The following ROCK1 variants were observed in gnomAD, a reference collection of about 807,000 sequenced individuals.
ROCK1 encodes Rho associated coiled-coil containing protein kinase 1.
In ROCK1, 36 loss-of-function variants were observed where a neutral mutation model predicts 196.8. The observed-to-expected ratio is 0.18, with a 90% CI of 0.14 to 0.24. The LOEUF (loss-of-function observed/expected upper bound fraction) is 0.24, where lower values mean the gene tolerates loss of function less well. ROCK1 is among the 10% of genes least tolerant of loss of function. The pLI, the probability that ROCK1 is intolerant of heterozygous loss-of-function variation, is 1.00. For missense variants in ROCK1, 920 were observed against 1,562.0 expected, an observed-to-expected ratio of 0.59 and a Z score of 6.93; for synonymous variants, 443 against 515.9, an observed-to-expected ratio of 0.86 and a Z score of 1.91.
chr18:21,042,129 T>A lies in ROCK1; in HGVS notation c.927A>T (p.Ala309=). The change falls in exon 8 of 33, where the codon GCA becomes GCT. Residue 309 remains alanine (A), a synonymous_variant. Transcript: ENST00000399799. Reference sequence around the variant, plus strand: ...TAAGGAAGGCACAAATAAGGTTTTTTGCTTCTTTTGATATGTCATTATCAT... The same window carrying A: ...TAAGGAAGGCACAAATAAGGTTTTTAGCTTCTTTTGATATGTCATTATCAT... ...FPDDNDISKE[A]KNLICAFLTD... The A allele has an allele frequency of 6.2e-7, 1 of 1,602,684 alleles. No individual in the cohort carries two copies. Among genetic ancestry groups the A allele is most frequent in the Non-Finnish European group, 8.5e-7 (1 of 1,177,020 alleles).
intron 1 of ROCK1, among the ~76,000 whole-genome samples, chr18:21,099,615 C>T (rs2036641248): frequency 6.6e-6 from 1 of 152,156 alleles, no homozygotes; most frequent in African/African-American, 2.4e-5. Context: ...CATGGTAACA[C>T]GTGCCTATAG....
chr18:20,949,806 GACT>G lies in ROCK1; in HGVS notation c.*1575_*1577del, dbSNP rs2035166271. The stretch of plus-strand genomic sequence containing the variant: ...TCACAAACATTTATATACAATCAGA[GACT>G]AATTTGAAGTATGTTTTCCATTCAT... On this transcript the variant is annotated 3_prime_UTR_variant, in exon 33 of 33. Coordinates refer to ENST00000399799, the MANE Select transcript of ROCK1 (RefSeq NM_005406.3). 6.6e-6 allele frequency: 1 copy of G among 152,592 alleles called. No individual in the cohort carries two copies. The highest frequency in any genetic ancestry group is 1.5e-5 in the Non-Finnish European group (1 of 68,040). The allele number at this position is 152,592 out of a possible 1,614,324, so 9.5% of individuals were successfully genotyped here.
intron 1 of ROCK1, among the ~76,000 whole-genome samples, chr18:21,081,597 T>C (rs965932654): frequency 2.0e-5 from 3 of 152,094 alleles, no homozygotes; most frequent in African/African-American, 7.2e-5. Context: ...TCTGAAAAGA[T>C]AAAATTGGCA....
chr18:21,014,217 G>T (rs190443316), intron 13 of ROCK1, among the ~76,000 whole-genome samples: 62 of 152,222 alleles, frequency 4.1e-4, no homozygotes, highest in African/African-American at 1.4e-3. Context: ...AGCTTTGTCT[G>T]CAACTGTTGA....
intron 16 of ROCK1, among the ~76,000 whole-genome samples, chr18:20,998,786 T>C (rs1398572483): frequency 6.6e-6 from 1 of 151,806 alleles, no homozygotes; most frequent in Non-Finnish European, 1.5e-5. Context: ...GTATTTTTAG[T>C]ACAGATGGGG....
chr18:20,970,640 T>A (rs1334412886), intron 22 of ROCK1, 127 bp from the exon 23 acceptor site: 4 of 640,522 alleles, frequency 6.2e-6, no homozygotes, highest in Non-Finnish European at 1.0e-5. Flanking sequence ...TAAAATAAAT[T>A]TAAATCCATT....
chr18:20,994,294 G>A (rs538479827), intron 16 of ROCK1, among the ~76,000 whole-genome samples: 1 of 152,276 alleles, frequency 6.6e-6, no homozygotes, highest in Non-Finnish European at 1.5e-5. Flanking sequence ...TTTAAATGTT[G>A]AAGTGCTATT....
chr18:21,078,480 G>A (rs367921995), intron 1 of ROCK1, among the ~76,000 whole-genome samples: 4 of 151,910 alleles, frequency 2.6e-5, no homozygotes, highest in Non-Finnish European at 5.9e-5. Flanking sequence ...AAGGTTTTTC[G>A]CAGCTCTTGT....
intron 27 of ROCK1, among the ~76,000 whole-genome samples, chr18:20,961,576 A>C (rs1185030942): frequency 6.6e-6 from 1 of 152,070 alleles, no homozygotes; most frequent in African/African-American, 2.4e-5. Flanking sequence ...ATGGTTTCAA[A>C]CCCCGGCAGT....
intron 1 of ROCK1, among the ~76,000 whole-genome samples, chr18:21,100,271 G>C (rs907373894): frequency 3.3e-5 from 5 of 151,206 alleles, no homozygotes; most frequent in Non-Finnish European, 7.4e-5. Context: ...ACAAGGACAA[G>C]AAACAATTTC....
At chr18:21,101,310 AATGAACG>A (rs1568410656) in intron 1 of ROCK1, among the ~76,000 whole-genome samples, 1 of 152,228 alleles carries the variant, frequency 6.6e-6, no homozygotes, top group South Asian at 2.1e-4. Flanking sequence ...ATGAAAGGTT[AATGAACG>A]ATTCTTACAG....
intron 20 of ROCK1, among the ~76,000 whole-genome samples, chr18:20,983,811 A>G (rs2035554684): frequency 6.6e-6 from 1 of 152,194 alleles, no homozygotes; most frequent in Admixed American, 6.5e-5. Context: ...ATGATATGAT[A>G]AAATAAACGT....
chr18:20,967,060 C>T lies in ROCK1; in HGVS notation c.3209G>A (p.Cys1070Tyr). The change falls in exon 27 of 33, where the codon TGT becomes TAT. Residue 1070 changes from cysteine (C) to tyrosine (Y), a missense_variant. Physicochemically the swap from Cys to Tyr is radical, Grantham distance 194. Coordinates refer to ENST00000399799, the MANE Select transcript of ROCK1 (RefSeq NM_005406.3). ...CATCTGAAGCTCATTCCTATGTGCA[C>T]ATTCTTCTACCAATTGCTAATTTTG... ...NDMQAQLVEE[C>Y]AHRNELQMQL... 2 of 1,608,048 alleles carry T rather than the reference C, an allele frequency of 1.2e-6. No individual in the cohort carries two copies. Among genetic ancestry groups the T allele is most frequent in the Non-Finnish European group, 8.5e-7 (1 of 1,176,720 alleles).
At chr18:21,097,548 T>C (rs1189805779) in intron 1 of ROCK1, among the ~76,000 whole-genome samples, 1 of 152,242 alleles carries the variant, frequency 6.6e-6, no homozygotes, top group Non-Finnish European at 1.5e-5. Flanking sequence ...AGATTAAATA[T>C]ATTCAGACTC....
intron 1 of ROCK1, among the ~76,000 whole-genome samples, chr18:21,099,276 ATCTATG>A (rs2036637303): frequency 6.6e-6 from 1 of 152,198 alleles, no homozygotes; most frequent in Non-Finnish European, 1.5e-5. Flanking sequence ...ATATAAATAT[ATCTATG>A]TATATATCTA....
chr18:21,034,043 A>G (rs1437986110), intron 9 of ROCK1, among the ~76,000 whole-genome samples: 3 of 150,618 alleles, frequency 2.0e-5, no homozygotes, highest in Non-Finnish European at 4.4e-5. Flanking sequence ...CAAAAAAAAA[A>G]AAAAAAATGA....
intron 9 of ROCK1, among the ~76,000 whole-genome samples, chr18:21,032,125 C>A (rs1259373118): frequency 6.6e-6 from 1 of 152,058 alleles, no homozygotes; most frequent in Non-Finnish European, 1.5e-5. Context: ...AGCTGAATGC[C>A]AACTATGAAA....
Position 21,001,852 on chromosome 18 carries a change from T to C in ROCK1, c.1885+4499A>G, listed in dbSNP as rs573157224. On this transcript the variant is annotated intron_variant, in intron 16 of 32. Coordinates refer to ENST00000399799, the MANE Select transcript of ROCK1 (RefSeq NM_005406.3). ...AAACTTTTAAAACACATTTTAAAATTTGACAGAACAAAGGGACAAAGAATA... is the reference window on the plus strand; with the variant it reads ...AAACTTTTAAAACACATTTTAAAATCTGACAGAACAAAGGGACAAAGAATA... 1.8e-4 allele frequency among the ~76,000 whole-genome samples: 28 copies of C among 152,012 alleles called. No homozygotes were observed. In the South Asian group the frequency reaches 3.5e-3, roughly 19 times the overall value.
chr18:21,060,688 A>T (rs2036281014), intron 2 of ROCK1, among the ~76,000 whole-genome samples: 1 of 151,968 alleles, frequency 6.6e-6, no homozygotes, highest in Non-Finnish European at 1.5e-5. Context: ...AAAAATACAA[A>T]ATTAGCCGGG....
Sources: gnomAD v4.1 joint callset for allele counts (sites outside exome capture counted in the v4.1 genomes callset) on GRCh38, gnomAD v4.1.1 for gene constraint, MANE v1.5 for transcripts, NCBI Gene and HGNC (gene_info 2026-07-23, HGNC 2026-07-21) for gene names.